The following ZNF615 variants were observed in gnomAD, a reference collection of about 807,000 sequenced individuals.
The protein encoded by ZNF615 is zinc finger protein 615.
A neutral mutation model predicts 15.3 loss-of-function variants in ZNF615; 15 were observed. The observed-to-expected ratio is 0.98, with a 90% CI of 0.66 to 1.51. ZNF615 has a LOEUF of 1.51. ZNF615 is among the 40% of genes most tolerant of loss of function. The pLI is 0.00. For synonymous variants in ZNF615, 268 were observed against 294.6 expected (o/e 0.91, Z 0.92); for missense variants, 848 against 895.9 (o/e 0.95, Z 0.68).
chr19:51,992,414 A>G lies in ZNF615; in HGVS notation c.*466T>C, dbSNP rs1227069204. 6.6e-6 allele frequency: 1 copy of G among 151,660 alleles called. No homozygotes were observed. The highest frequency in any genetic ancestry group is 2.5e-5 in the African/African-American group (1 of 40,102). The allele number at this position is 151,660 out of a possible 1,614,324, so 9.4% of individuals were successfully genotyped here. A position where few individuals can be genotyped will look rare whatever the true frequency, so the allele number is the denominator to read the frequency against. ...TCTGATATTTTCCTAAAAGTCTTCT[A>G]CATTGAATGTTTTCATAAGTTTTTT... On this transcript the variant is annotated 3_prime_UTR_variant, in exon 7 of 7. Transcript: ENST00000598071.
Position 51,996,402 on chromosome 19 carries a change from A to AAAAAAAAAAAAAAAC in ZNF615, c.272-1566_272-1565insGTTTTTTTTTTTTTT, listed in dbSNP as rs1555771241. Reference sequence around the variant, plus strand: ...CTCTGTCTCAAAAAAAAAAAAAAAAAAAAAAACGCAAAACTATATGGCTTC... The same window carrying AAAAAAAAAAAAAAAC: ...CTCTGTCTCAAAAAAAAAAAAAAAAAAAAAAAAAAAAAAACAAAAAACGCAAAACTATATGGCTTC... On this transcript the variant is annotated intron_variant, in intron 6 of 6. Coordinates refer to ENST00000598071, the MANE Select transcript of ZNF615 (RefSeq NM_001199324.2). Among the ~76,000 whole-genome samples the AAAAAAAAAAAAAAAC allele has an allele frequency of 4.7e-4, 63 of 134,344 alleles. 1 individual carries two copies. Among genetic ancestry groups the AAAAAAAAAAAAAAAC allele is most frequent in the South Asian group, 1.3e-3 (5 of 3,880 alleles). The allele number at this position is 134,344 out of a possible 152,430, so 88.1% of individuals were successfully genotyped here. A position where few individuals can be genotyped will look rare whatever the true frequency, so the allele number is the denominator to read the frequency against.
chr19:52,006,285 G>A (rs2123092079), intron 2 of ZNF615, among the ~76,000 whole-genome samples: 1 of 152,050 alleles, frequency 6.6e-6, no homozygotes, highest in East Asian at 1.9e-4. Flanking sequence ...GGAAGGGAGA[G>A]AAAAAAATGA....
chr19:51,994,591 C>T lies in ZNF615; in HGVS notation c.518G>A (p.Gly173Glu). 1 of 1,613,942 alleles carries T rather than the reference C, an allele frequency of 6.2e-7. No individual in the cohort carries two copies. Among genetic ancestry groups the T allele is most frequent in the Non-Finnish European group, 8.5e-7 (1 of 1,179,998 alleles). Reference protein sequence around the residue: ...LKNSAEFNRDGKSLFHANHKQ... With the variant: ...LKNSAEFNRDEKSLFHANHKQ... ...ATGGTTAGCATGAAAAAGGGATTTCCCATCTCTATTAAACTCAGCAGAGTT... is the reference window on the plus strand; with the variant it reads ...ATGGTTAGCATGAAAAAGGGATTTCTCATCTCTATTAAACTCAGCAGAGTT... The change falls in exon 7 of 7, where the codon GGG (glycine) becomes GAG (glutamate). Residue 173 changes from glycine to glutamate, a missense_variant. Transcript: ENST00000598071.
Position 51,994,672 on chromosome 19 carries a change from T to A in ZNF615, c.437A>T (p.Lys146Ile). ...QDCDTFDLHEKPLKSNLSFEN... is the reference protein window; with the variant it reads ...QDCDTFDLHEIPLKSNLSFEN... ...AAAACTTAAATTTGATTTTAAAGGT[T>A]TTTCATGTAAGTCAAACGTATCACA... Residue 146 changes from lysine (K) to isoleucine (I), a missense_variant, in exon 7 of 7, where the codon AAA (lysine) becomes ATA (isoleucine). Coordinates refer to ENST00000598071, the MANE Select transcript of ZNF615 (RefSeq NM_001199324.2). The A allele has an allele frequency of 1.9e-6, 3 of 1,613,414 alleles. No individual in the cohort carries two copies. The highest frequency in any genetic ancestry group is 2.5e-6 in the Non-Finnish European group (3 of 1,179,972).
At chr19:52,005,002 T>A (rs7257363) in intron 2 of ZNF615, among the ~76,000 whole-genome samples, 16 of 152,042 alleles carry the variant, frequency 1.1e-4, no homozygotes, top group African/African-American at 3.6e-4. Flanking sequence ...GGCTCACGCC[T>A]GTAATCCCAA....
At chr19:52,001,485 GTA>G (rs1177490230) in intron 5 of ZNF615, among the ~76,000 whole-genome samples, 3 of 151,916 alleles carry the variant, frequency 2.0e-5, no homozygotes, top group Admixed American at 2.0e-4. Context: ...GGGCGTGGTG[GTA>G]CGCACCTGTA....
At position 51,992,811 on chromosome 19, in the gene ZNF615, T is replaced by C. The variant is rs755674251; in HGVS notation, c.*69A>G. The C allele has an allele frequency of 1.3e-6, 2 of 1,520,248 alleles. No homozygotes were observed. Among genetic ancestry groups the C allele is most frequent in the African/African-American group, 2.8e-5 (2 of 71,878 alleles). 94.2% of individuals were successfully genotyped at this position (1,520,248 alleles called of 1,614,324 possible). On this transcript the variant is annotated 3_prime_UTR_variant, in exon 7 of 7. Transcript: ENST00000598071. ...TAAATAAACAACCATGTAGTCTGCATTCATGAAATTACTCTTCTTTGCAGA... is the reference window on the plus strand; with the variant it reads ...TAAATAAACAACCATGTAGTCTGCACTCATGAAATTACTCTTCTTTGCAGA...
Position 51,994,412 on chromosome 19 carries a change from G to A in ZNF615, c.697C>T (p.His233Tyr). ...AFLKLSQFID[H>Y]QRVHTGEKPH... ...TTTTCTCCAGTGTGAACTCTCTGATGATCAATAAACTGAGACAACTTGAGG... is the reference window on the plus strand; with the variant it reads ...TTTTCTCCAGTGTGAACTCTCTGATAATCAATAAACTGAGACAACTTGAGG... The change falls in exon 7 of 7, where the codon CAT becomes TAT. Residue 233 changes from histidine to tyrosine, a missense_variant. Coordinates refer to ENST00000598071, the MANE Select transcript of ZNF615 (RefSeq NM_001199324.2). 1.2e-6 allele frequency: 2 copies of A among 1,614,082 alleles called. No homozygotes were observed. The highest frequency in any genetic ancestry group is 2.7e-5 in the African/African-American group (2 of 75,032).
chr19:51,994,165 A>G lies in ZNF615; in HGVS notation c.944T>C (p.Ile315Thr). 2 of 1,614,014 alleles carry G rather than the reference A, an allele frequency of 1.2e-6. No individual in the cohort carries two copies. Among genetic ancestry groups the G allele is most frequent in the Non-Finnish European group, 1.7e-6 (2 of 1,180,024 alleles). ...GKAFIKKCRLIYHQRTHTGEK... is the reference protein window; with the variant it reads ...GKAFIKKCRLTYHQRTHTGEK... The stretch of plus-strand genomic sequence containing the variant: ...TCCTGTATGAGTTCGTTGATGATAA[A>G]TGAGCCGACACTTCTTGATGAAGGC... The change falls in exon 7 of 7, where the codon ATT becomes ACT. Residue 315 changes from isoleucine (I) to threonine (T), a missense_variant. Transcript: ENST00000598071.
chr19:51,996,779 G>A (rs73052036), intron 6 of ZNF615, among the ~76,000 whole-genome samples: 10,620 of 152,172 alleles, frequency 0.07, 401 homozygotes, highest in African/African-American at 0.086. Flanking sequence ...TGAACCATAC[G>A]CTGACTATTA....
chr19:51,998,138 G>A (rs560800065), intron 6 of ZNF615, among the ~76,000 whole-genome samples: 1 of 152,108 alleles, frequency 6.6e-6, no homozygotes, highest in Non-Finnish European at 1.5e-5. Context: ...ACTCCCTACT[G>A]TGTTCTCAAC....
In ZNF615 at chr19:51,994,696, C is replaced by A. The variant is rs1403666346; in HGVS notation, c.413G>T (p.Cys138Phe). 1 of 1,613,602 alleles carries A rather than the reference C, an allele frequency of 6.2e-7. No individual in the cohort carries two copies. The change falls in exon 7 of 7, where the codon TGT (cysteine) becomes TTT (phenylalanine). Residue 138 changes from cysteine to phenylalanine, a missense_variant. Coordinates refer to ENST00000598071, the MANE Select transcript of ZNF615 (RefSeq NM_001199324.2). ...NKGHFLLKQDCDTFDLHEKPL... is the reference protein window; with the variant it reads ...NKGHFLLKQDFDTFDLHEKPL... ...TTTTTCATGTAAGTCAAACGTATCA[C>A]AATCTTGCTTCAGCAGGAAATGACC...
rs769514702 is a variant in ZNF615, at chr19:51,993,293, G to T, written c.1816C>A (p.Pro606Thr). ...AHQRTHTGEK[P>T]YICNECGKGF... is the part of the protein sequence containing the mutation. ...TTTCCACATTCATTGCATATATAAG[G>T]TTTCTCCCCAGTATGAGTTCGCTGA... The change falls in exon 7 of 7, where the codon CCT becomes ACT. Residue 606 changes from proline to threonine, a missense_variant. Transcript: ENST00000598071. 4 of 1,614,012 alleles carry T rather than the reference G, an allele frequency of 2.5e-6. No individual in the cohort carries two copies. The highest frequency in any genetic ancestry group is 3.4e-6 in the Non-Finnish European group (4 of 1,180,002).
intron 1 of ZNF615, chr19:52,007,848 T>C: frequency 2.5e-6 from 1 of 403,258 alleles, no homozygotes; most frequent in Middle Eastern, 6.7e-4. Context: ...AGAATGTGAC[T>C]TGGGCACTCA....
intron 5 of ZNF615, among the ~76,000 whole-genome samples, chr19:52,001,119 G>A (rs2086577924): frequency 6.6e-6 from 1 of 152,058 alleles, no homozygotes; most frequent in Non-Finnish European, 1.5e-5. Flanking sequence ...AGGGCAGGAA[G>A]ATGCAGTAGT....
At position 51,993,543 on chromosome 19, in the gene ZNF615, G is replaced by A; in HGVS notation, c.1566C>T (p.Pro522=). The A allele has an allele frequency of 8.7e-6, 14 of 1,612,346 alleles. No individual in the cohort carries two copies. The highest frequency in any genetic ancestry group is 1.2e-5 in the Non-Finnish European group (14 of 1,179,600). The part of the protein sequence containing the change: ...VHQRTHTGEK[P]YVCGECGKGF... Reference sequence around the variant, plus strand: ...CTTTTCCACACTCACCACATACATAGGGTTTTTCTCCAGTATGAGTTCGCT... The same window carrying A: ...CTTTTCCACACTCACCACATACATAAGGTTTTTCTCCAGTATGAGTTCGCT... The change falls in exon 7 of 7, where the codon CCC becomes CCT. Residue 522 remains proline (P), a synonymous_variant. Coordinates refer to ENST00000598071, the MANE Select transcript of ZNF615 (RefSeq NM_001199324.2).
intron 5 of ZNF615, among the ~76,000 whole-genome samples, chr19:52,001,319 C>A (rs1235435528): frequency 1.3e-5 from 2 of 151,738 alleles, no homozygotes; most frequent in East Asian, 1.9e-4. Context: ...AAGATGAAAT[C>A]TCAAGGAAAA....
At chr19:52,002,454 T>C in intron 3 of ZNF615, 173 bp from the exon 4 acceptor site, 1 of 896,162 alleles carries the variant, frequency 1.1e-6, no homozygotes, top group South Asian at 1.4e-5. Flanking sequence ...TGTGCGGTCA[T>C]CCATTCATTC....
In ZNF615 at chr19:52,003,929, A is replaced by C. The variant is rs578181628; in HGVS notation, c.-189-29T>G. 93 of 1,323,490 alleles carry C rather than the reference A, an allele frequency of 7.0e-5. No homozygotes were observed. In the East Asian group the frequency reaches 2.1e-3, roughly 30 times the overall value. The allele number at this position is 1,323,490 out of a possible 1,614,324, so 82.0% of individuals were successfully genotyped here. ...AAGAGCAAATTACTCTGAGTGGTAC[A>C]TTCTTTTTAGGCCCAGATGTTGTCA... On this transcript the variant is annotated intron_variant, in intron 2 of 6. Coordinates refer to ENST00000598071, the MANE Select transcript of ZNF615 (RefSeq NM_001199324.2).
Sources: gnomAD v4.1 joint callset for allele counts (sites outside exome capture counted in the v4.1 genomes callset) on GRCh38, gnomAD v4.1.1 for gene constraint, MANE v1.5 for transcripts, NCBI Gene and HGNC (gene_info 2026-07-23, HGNC 2026-07-21) for gene names.